The following HRAS variants were observed in gnomAD, a reference collection of about 807,000 sequenced individuals.
HRAS encodes the protein GTPase HRas.
A neutral mutation model predicts 19.8 loss-of-function variants in HRAS; 11 were observed. That is an observed-to-expected ratio of 0.55 (90% confidence interval 0.35 to 0.92). HRAS has a LOEUF of 0.92. Ranked by LOEUF, HRAS falls within the 40% of genes least tolerant of loss-of-function variation. The probability of loss-of-function intolerance (pLI) is 0.01; values close to 1 mark genes in which losing one functional copy is unlikely to be tolerated. For synonymous variants in HRAS, 149 were observed against 105.5 expected (o/e 1.41, Z -2.52); for missense variants, 204 against 255.9 (o/e 0.80, Z 1.38).
chr11:533,012 TTTGACCAC>T lies in HRAS; in HGVS notation c.451-265_451-258del, dbSNP rs1219610315. 3.4e-3 allele frequency among the ~76,000 whole-genome samples: 516 copies of T among 152,236 alleles called. 4 individuals carry two copies. The highest frequency in any genetic ancestry group is 0.012 in the African/African-American group (488 of 41,538). On this transcript the variant is annotated intron_variant, in intron 4 of 5. Coordinates refer to ENST00000311189, the MANE Select transcript of HRAS (RefSeq NM_005343.4). ...TCCTGAACTCCAGGTCTGGCCAGGG[TTTGACCAC>T]CCTGCACCCAGCTCTCGACTCAGCT...
Position 533,759 on chromosome 11 carries a change from G to A in HRAS, c.290+7C>T, listed in dbSNP as rs1367770571. Reference sequence around the variant, plus strand: ...GTGGGCTCCCGGGCCAGCCTCACGGGGTTCACCTGTACTGGTGGATGTCCT... The same window carrying A: ...GTGGGCTCCCGGGCCAGCCTCACGGAGTTCACCTGTACTGGTGGATGTCCT... On this transcript the variant is annotated splice_region_variant and intron_variant, in intron 3 of 5. Transcript: ENST00000311189. 6.2e-7 allele frequency: 1 copy of A among 1,613,242 alleles called. No homozygotes were observed. The highest frequency in any genetic ancestry group is 8.5e-7 in the Non-Finnish European group (1 of 1,179,970).
chr11:532,602 G>C, intron 5 of HRAS, 29 bp downstream of exon 5: 7 of 1,599,584 alleles, frequency 4.4e-6, no homozygotes, highest in Non-Finnish European at 5.9e-6. Context: ...TCCGGTGGGC[G>C]TGGCGGCCGC....
chr11:532,411 G>A lies in HRAS; in HGVS notation c.*117C>T, dbSNP rs903181113. 24 of 648,314 alleles carry A rather than the reference G, an allele frequency of 3.7e-5. No homozygotes were observed. Among genetic ancestry groups the A allele is most frequent in the South Asian group, 3.4e-4 (18 of 53,394 alleles). 40.2% of individuals were successfully genotyped at this position (648,314 alleles called of 1,614,324 possible). On this transcript the variant is annotated 3_prime_UTR_variant, in exon 6 of 6. Transcript: ENST00000311189. Reference sequence around the variant, plus strand: ...CAGTCACCTCGGCCCACGGTCCCGGGGTGACTGGGCTCCAGCAGCCCTTCC... The same window carrying A: ...CAGTCACCTCGGCCCACGGTCCCGGAGTGACTGGGCTCCAGCAGCCCTTCC...
At position 532,282 on chromosome 11, in the gene HRAS, C is replaced by T. The variant is rs372030506; in HGVS notation, c.*246G>A. 24 of 463,460 alleles carry T rather than the reference C, an allele frequency of 5.2e-5. No homozygotes were observed. The East Asian group carries it at 7.8e-4, about 15-fold the overall frequency. The allele number at this position is 463,460 out of a possible 1,614,324, so 28.7% of individuals were successfully genotyped here. ...AATTTACTGTGATCCCATCTGTGCC[C>T]GACAAGGGCCCACAGAGGCCTGGGA... is the stretch of plus-strand genomic sequence containing the variant. On this transcript the variant is annotated 3_prime_UTR_variant, in exon 6 of 6. Transcript: ENST00000311189.
intron 1 of HRAS, among the ~76,000 whole-genome samples, chr11:534,762 G>C (rs1185700961): frequency 6.6e-6 from 1 of 152,238 alleles, no homozygotes; most frequent in Admixed American, 6.5e-5. Context: ...GGCGTGCCCG[G>C]GCAGGCTAGT....
Position 533,590 on chromosome 11 carries a change from C to A in HRAS, c.313G>T (p.Asp105Tyr). 2 of 1,613,878 alleles carry A rather than the reference C, an allele frequency of 1.2e-6. No individual in the cohort carries two copies. Among genetic ancestry groups the A allele is most frequent in the Non-Finnish European group, 1.7e-6 (2 of 1,180,002 alleles). Residue 105 changes from aspartate to tyrosine, a missense_variant, in exon 4 of 6, where the codon GAC (aspartate) becomes TAC (tyrosine). This residue lies in a region of HRAS where 142 missense variants were observed against 141.1 expected (regional missense o/e 1.01). Transcript: ENST00000311189. ...AGCACCATGGGCACGTCATCCGAGT[C>A]CTTCACCCGTTTGATCTGCTCCCTG... ...QYREQIKRVK[D>Y]SDDVPMVLVG...
rs1851248879 is a variant in HRAS at position 533,577 on chromosome 11, A to T, written c.326T>A (p.Val109Glu). 1 of 1,613,714 alleles carries T rather than the reference A, an allele frequency of 6.2e-7. No individual in the cohort carries two copies. The highest frequency in any genetic ancestry group is 8.5e-7 in the Non-Finnish European group (1 of 1,180,000). The change falls in exon 4 of 6, where the codon GTG (valine) becomes GAG (glutamate). Residue 109 changes from valine (V) to glutamate (E), a missense_variant. Val to Glu is a moderately radical substitution (Grantham distance 121). This residue lies in a region of HRAS where 142 missense variants were observed against 141.1 expected (regional missense o/e 1.01). Transcript: ENST00000311189. ...CTTGTTCCCCACCAGCACCATGGGC[A>T]CGTCATCCGAGTCCTTCACCCGTTT... ...QIKRVKDSDD[V>E]PMVLVGNKCD...
At chr11:532,812 A>T (rs1851188822) in intron 4 of HRAS, 57 bp from the exon 5 acceptor site, 1 of 1,555,404 alleles carries the variant, frequency 6.4e-7, no homozygotes, top group African/African-American at 1.4e-5. Flanking sequence ...TGCCTGGGTG[A>T]GGGGCTCCCT....
chr11:533,270 G>C, intron 4 of HRAS, 183 bp downstream of exon 4: 1 of 1,580,168 alleles, frequency 6.3e-7, no homozygotes, highest in Non-Finnish European at 8.5e-7. Context: ...CGTCCCGGGA[G>C]ACTTACAGCG....
rs755995550 is a variant in HRAS, at chr11:533,625, A to C, written c.291-13T>G. Reference sequence around the variant, plus strand: ...TTTGATCTGCTCCCTGAGAGGTGGAAAGCGAGAGCTGGCTACGGGGGCTGC... The same window carrying C: ...TTTGATCTGCTCCCTGAGAGGTGGACAGCGAGAGCTGGCTACGGGGGCTGC... On this transcript the variant is annotated splice_polypyrimidine_tract_variant and intron_variant, in intron 3 of 5. Coordinates refer to ENST00000311189, the MANE Select transcript of HRAS (RefSeq NM_005343.4). The C allele has an allele frequency of 2.5e-6, 4 of 1,613,526 alleles. No homozygotes were observed. The African/African-American group carries it at 5.3e-5, about 22-fold the overall frequency.
intron 1 of HRAS, 77 bp downstream of exon 1, chr11:535,326 GGCCCCGCGCCCCC>G (rs1429861507): frequency 1.4e-5 from 2 of 144,616 alleles, no homozygotes; most frequent in African/African-American, 5.0e-5. Context: ...TACGCCCGCC[GGCCCCGCGCCCCC>G]GGCCCGCGCC....
rs1024960623 is a variant in HRAS, at chr11:535,500, C to T, written c.-138G>A. The T allele has an allele frequency of 6.8e-6, 1 of 147,664 alleles. No homozygotes were observed. Among genetic ancestry groups the T allele is most frequent in the African/African-American group, 2.4e-5 (1 of 40,904 alleles). The allele number at this position is 147,664 out of a possible 1,614,324, so 9.1% of individuals were successfully genotyped here. On this transcript the variant is annotated 5_prime_UTR_variant, in exon 1 of 6. Transcript: ENST00000311189. ...GGGCGGGGGCGCGCGGTTCGCCCCG[C>T]GCATGGGCTCCGTCCGCGGCGGGTG...
rs779635953 is a variant in HRAS at position 533,333 on chromosome 11, C to T, written c.450+120G>A. 2 of 1,605,140 alleles carry T rather than the reference C, an allele frequency of 1.2e-6. No individual in the cohort carries two copies. Among genetic ancestry groups the T allele is most frequent in the South Asian group, 1.1e-5 (1 of 91,052 alleles). On this transcript the variant is annotated intron_variant, in intron 4 of 5. Coordinates refer to ENST00000311189, the MANE Select transcript of HRAS (RefSeq NM_005343.4). ...CGGGGGGTCCCAGAGGGTCCCGGAG[C>T]TGGAGCTAGAGCCAGAGCGGCTGCC...
chr11:535,045 C>G (rs1348004532), intron 1 of HRAS, among the ~76,000 whole-genome samples: 1 of 152,014 alleles, frequency 6.6e-6, no homozygotes, highest in Non-Finnish European at 1.5e-5. Context: ...TGGTCCGCGA[C>G]CTGTGATGCT....
rs1468504998 is a variant in HRAS, at chr11:535,529, C to T, written c.-167G>A. On this transcript the variant is annotated 5_prime_UTR_variant, in exon 1 of 6. Transcript: ENST00000311189. ...TGGGCTCCGTCCGCGGCGGGTGCGG[C>T]TCGGGTTGCGGGCGCAGGGCACGGG... 6.8e-6 allele frequency: 1 copy of T among 148,046 alleles called. No individual in the cohort carries two copies. The highest frequency in any genetic ancestry group is 1.5e-5 in the Non-Finnish European group (1 of 66,112). 9.2% of individuals were successfully genotyped at this position (148,046 alleles called of 1,614,324 possible).
rs1131691997 is a variant in HRAS, at chr11:533,601, T to C, written c.302A>G (p.Lys101Arg). The C allele has an allele frequency of 3.1e-6, 5 of 1,613,678 alleles. 1 individual carries two copies. The highest frequency in any genetic ancestry group is 1.3e-5 in the African/African-American group (1 of 74,918). The change falls in exon 4 of 6, where the codon AAA becomes AGA. Residue 101 changes from lysine (K) to arginine (R), a missense_variant. Physicochemically the swap from Lys to Arg is conservative, Grantham distance 26 (BLOSUM62 2). This residue lies in a region of HRAS where 142 missense variants were observed against 141.1 expected (regional missense o/e 1.01). Transcript: ENST00000311189. ...EDIHQYREQI[K>R]RVKDSDDVPM... ...CACGTCATCCGAGTCCTTCACCCGT[T>C]TGATCTGCTCCCTGAGAGGTGGAAA...
intron 2 of HRAS, 115 bp from the exon 3 acceptor site, chr11:534,059 G>T: frequency 7.8e-7 from 1 of 1,274,098 alleles, no homozygotes; most frequent in Non-Finnish European, 1.1e-6. Context: ...CTCCTGGGGT[G>T]CTGAGACGAG....
Position 532,847 on chromosome 11 carries a change from C to T in HRAS, c.451-92G>A. The T allele has an allele frequency of 4.8e-6, 6 of 1,244,270 alleles. No homozygotes were observed. In the South Asian group the frequency reaches 6.1e-5, roughly 13 times the overall value. The allele number at this position is 1,244,270 out of a possible 1,614,324, so 77.1% of individuals were successfully genotyped here. On this transcript the variant is annotated intron_variant, in intron 4 of 5. Transcript: ENST00000311189. ...TGCTGTGGGATCAAGCCTTGCCTGGCCCGAAGCTCCCGACTCCACCAGCCA... is the reference window on the plus strand; with the variant it reads ...TGCTGTGGGATCAAGCCTTGCCTGGTCCGAAGCTCCCGACTCCACCAGCCA...
intron 1 of HRAS, 156 bp from the exon 2 acceptor site, chr11:534,531 A>T (rs1851337022): frequency 3.3e-6 from 2 of 598,070 alleles, no homozygotes; most frequent in Non-Finnish European, 6.0e-6. Context: ...TGCAGCTGCA[A>T]CCCAGCGTGC....
Sources: allele counts gnomAD v4.1 joint callset (sites outside exome capture counted in the v4.1 genomes callset), GRCh38; gene constraint gnomAD v4.1.1; regional missense constraint gnomAD v4.1.1; transcripts MANE v1.5; gene names NCBI Gene and HGNC (gene_info 2026-07-23, HGNC 2026-07-21).